The following ZNF536 variants were observed in gnomAD, a reference collection of about 807,000 sequenced individuals.
ZNF536 encodes zinc finger protein 536.
Under a neutral mutation model 84.5 loss-of-function variants are expected in ZNF536, and 13 were observed. That is an observed-to-expected ratio of 0.15 (90% CI 0.10 to 0.24). The LOEUF (loss-of-function observed/expected upper bound fraction) is 0.24, where lower values mean the gene tolerates loss of function less well. Ranked by LOEUF, ZNF536 falls within the 10% of genes least tolerant of loss-of-function variation. The pLI is 1.00. For missense variants in ZNF536, 1,536 were observed against 1,747.5 expected, an observed-to-expected ratio of 0.88 and a Z score of 2.16; for synonymous variants, 811 against 742.5, an observed-to-expected ratio of 1.09 and a Z score of -1.50.
chr19:30,638,384 T>A (rs1018337524), intron 1 of ZNF536, among the ~76,000 whole-genome samples: 19 of 152,172 alleles, frequency 1.2e-4, no homozygotes, highest in Non-Finnish European at 5.9e-5. Context: ...AAGCATGATG[T>A]TGCATCTGCT....
intron 1 of ZNF536, among the ~76,000 whole-genome samples, chr19:30,603,202 G>T (rs952626695): frequency 1.3e-5 from 2 of 152,272 alleles, no homozygotes; most frequent in African/African-American, 4.8e-5. Context: ...TATCTGCTTT[G>T]GTCATCCCCG....
At chr19:30,383,528 T>G (rs1191363546) in intron 1 of ZNF536, among the ~76,000 whole-genome samples, 1 of 17,782 alleles carries the variant, frequency 5.6e-5, no homozygotes, top group Non-Finnish European at 9.8e-5. Flanking sequence ...CGTACACACC[T>G]GCATGCCTGT....
chr19:30,684,954 G>A (rs1242034777), intron 1 of ZNF536, among the ~76,000 whole-genome samples: 3 of 152,174 alleles, frequency 2.0e-5, no homozygotes, highest in Non-Finnish European at 4.4e-5. Context: ...GCGTCTTCCA[G>A]GGGGTTATGT....
At position 30,539,474 on chromosome 19, in the gene ZNF536, C is replaced by T. The variant is rs556125820; in HGVS notation, c.2323+4475C>T. On this transcript the variant is annotated intron_variant, in intron 3 of 4. Transcript: ENST00000355537. ...CCCCCATGGACACACCCAGAAGAAT[C>T]CTTAACCAAATATCTGGGCACCCTG... Among the ~76,000 whole-genome samples the T allele has an allele frequency of 1.8e-4, 27 of 152,334 alleles. No individual in the cohort carries two copies. In the South Asian group the frequency reaches 5.4e-3, roughly 30 times the overall value.
intron 3 of ZNF536, among the ~76,000 whole-genome samples, chr19:30,359,391 T>C (rs1290705516): frequency 1.3e-5 from 2 of 152,286 alleles, no homozygotes; most frequent in South Asian, 2.1e-4. Context: ...TGCAGGTCCC[T>C]GGCCCCACGC....
chr19:30,485,699 G>T (rs1339853745), intron 2 of ZNF536, among the ~76,000 whole-genome samples: 1 of 133,868 alleles, frequency 7.5e-6, no homozygotes, highest in Admixed American at 7.0e-5. Context: ...CAGGCGGTGG[G>T]GTGGGGGGAA....
At chr19:30,241,595 A>C (rs7507285) in intron 1 of ZNF536, among the ~76,000 whole-genome samples, 81,090 of 151,990 alleles carry the variant, frequency 0.53, 22,939 homozygotes, top group East Asian at 0.86. Flanking sequence ...AAGGAGCAGC[A>C]GTGTGGCTGG....
At chr19:30,471,782 GGGTGTGTGCA>G (rs1350831617) in intron 2 of ZNF536, among the ~76,000 whole-genome samples, 2 of 152,372 alleles carry the variant, frequency 1.3e-5, no homozygotes, top group African/African-American at 4.8e-5. Context: ...GAGAATGGTT[GGGTGTGTGCA>G]GGAGCCAGTG....
At chr19:30,531,694 G>C (rs139695573) in intron 2 of ZNF536, among the ~76,000 whole-genome samples, 21 of 152,016 alleles carry the variant, frequency 1.4e-4, no homozygotes, top group African/African-American at 5.1e-4. Flanking sequence ...GCGTGATCCC[G>C]GCTCATTGCA....
chr19:30,491,008 G>A (rs2054487005), intron 2 of ZNF536, among the ~76,000 whole-genome samples: 2 of 152,068 alleles, frequency 1.3e-5, no homozygotes, highest in South Asian at 4.2e-4. Flanking sequence ...AGGAGGCGGG[G>A]GAAGGTGGGG....
intron 2 of ZNF536, among the ~76,000 whole-genome samples, chr19:30,312,769 G>A (rs112939030): frequency 1.3e-5 from 2 of 152,164 alleles, no homozygotes; most frequent in Non-Finnish European, 2.9e-5. Flanking sequence ...TATGGTCTTC[G>A]GACTGTGCCT....
chr19:30,322,415 C>T (rs1341834169), intron 2 of ZNF536, among the ~76,000 whole-genome samples: 1 of 152,136 alleles, frequency 6.6e-6, no homozygotes, highest in Admixed American at 6.5e-5. Flanking sequence ...GCTCAGAGGA[C>T]TCCACTGTGC....
At chr19:30,477,276 C>T (rs2053889682) in intron 2 of ZNF536, among the ~76,000 whole-genome samples, 1 of 152,100 alleles carries the variant, frequency 6.6e-6, no homozygotes, top group African/African-American at 2.4e-5. Context: ...CACTAGAATG[C>T]AGGTTCTATG....
At chr19:30,486,141 A>C (rs537749642) in intron 2 of ZNF536, among the ~76,000 whole-genome samples, 33 of 152,190 alleles carry the variant, frequency 2.2e-4, no homozygotes, top group Non-Finnish European at 4.3e-4. Flanking sequence ...CAGGATGTGC[A>C]GGTTTGTTAC....
chr19:30,456,042 T>A (rs2052824455), intron 2 of ZNF536, among the ~76,000 whole-genome samples: 1 of 152,238 alleles, frequency 6.6e-6, no homozygotes. Flanking sequence ...AAACACTCAA[T>A]TCTTTCATAA....
At chr19:30,469,503 A>T (rs1325656526) in intron 2 of ZNF536, among the ~76,000 whole-genome samples, 1 of 152,038 alleles carries the variant, frequency 6.6e-6, no homozygotes, top group Non-Finnish European at 1.5e-5. Flanking sequence ...TACCAGGAAA[A>T]ATCTTCCTCC....
chr19:30,693,138 C>G (rs1490973036), intron 1 of ZNF536, among the ~76,000 whole-genome samples: 2 of 152,084 alleles, frequency 1.3e-5, no homozygotes, highest in Non-Finnish European at 2.9e-5. Flanking sequence ...GCTTCGGACA[C>G]CCCCCACTCA....
At chr19:30,280,509 C>G (rs1048204464) in intron 1 of ZNF536, among the ~76,000 whole-genome samples, 1 of 152,190 alleles carries the variant, frequency 6.6e-6, no homozygotes, top group Non-Finnish European at 1.5e-5. Context: ...TGCATGTGCC[C>G]GGGGTTTGCT....
chr19:30,707,380 G>C (rs1180895133), intron 1 of ZNF536, among the ~76,000 whole-genome samples: 1 of 152,106 alleles, frequency 6.6e-6, no homozygotes, highest in Non-Finnish European at 1.5e-5. Flanking sequence ...ATATGTCCCA[G>C]TTGTCCTTCG....
Sources: allele counts gnomAD v4.1 joint callset (sites outside exome capture counted in the v4.1 genomes callset), GRCh38; gene constraint gnomAD v4.1.1; transcripts MANE v1.5; gene names NCBI Gene and HGNC (gene_info 2026-07-23, HGNC 2026-07-21).